SKAP1: variants seen among roughly 807,000 people sequenced by gnomAD.
SKAP1 encodes src kinase associated phosphoprotein 1, also known as src kinase-associated phosphoprotein 1.
SKAP1 carries 44 observed loss-of-function variants against 58.5 expected under a neutral mutation model. The observed-to-expected ratio is 0.75, with a 90% CI of 0.59 to 0.97. The LOEUF (loss-of-function observed/expected upper bound fraction) is 0.97, where lower values mean the gene tolerates loss of function less well. Among genes scored for constraint, SKAP1 ranks in the 50% least tolerant of loss-of-function variants. The pLI, the probability that SKAP1 is intolerant of heterozygous loss-of-function variation, is 0.00. For synonymous variants in SKAP1, 127 were observed against 149.7 expected (o/e 0.85, Z 1.11); for missense variants, 390 against 435.2 (o/e 0.90, Z 0.92).
intron 4 of SKAP1, among the ~76,000 whole-genome samples, chr17:48,207,688 T>G (rs2064826363): frequency 6.6e-6 from 1 of 152,170 alleles, no homozygotes; most frequent in South Asian, 2.1e-4. Context: ...GAGGTCTCTT[T>G]CCACTGGAGA....
intron 4 of SKAP1, among the ~76,000 whole-genome samples, chr17:48,250,966 C>T (rs1471981670): frequency 6.6e-6 from 1 of 152,154 alleles, no homozygotes; most frequent in Admixed American, 6.5e-5. Context: ...GGGCCAGCTC[C>T]TCTGAACTCG....
At chr17:48,177,321 C>T (rs1489434941) in intron 9 of SKAP1, among the ~76,000 whole-genome samples, 1 of 152,202 alleles carries the variant, frequency 6.6e-6, no homozygotes, top group Non-Finnish European at 1.5e-5. Flanking sequence ...TAACAGCCAG[C>T]ATTTACTGAG....
At chr17:48,372,477 T>C (rs1357584616) in intron 2 of SKAP1, among the ~76,000 whole-genome samples, 1 of 151,158 alleles carries the variant, frequency 6.6e-6, no homozygotes, top group Non-Finnish European at 1.5e-5. Flanking sequence ...CGGCTAATTT[T>C]GTATTTTTAG....
intron 4 of SKAP1, among the ~76,000 whole-genome samples, chr17:48,306,080 A>G (rs543712077): frequency 6.6e-6 from 1 of 152,316 alleles, no homozygotes; most frequent in African/African-American, 2.4e-5. Flanking sequence ...ATTCTTTCTA[A>G]AACAGGATAA....
intron 4 of SKAP1, among the ~76,000 whole-genome samples, chr17:48,247,855 T>C (rs1284211837): frequency 6.6e-6 from 1 of 152,214 alleles, no homozygotes; most frequent in Non-Finnish European, 1.5e-5. Context: ...AAGAAAGGCA[T>C]ATCTCTATTA....
intron 4 of SKAP1, among the ~76,000 whole-genome samples, chr17:48,305,331 T>G (rs1204008210): frequency 6.6e-6 from 1 of 152,164 alleles, no homozygotes. Context: ...ATGACAAGTG[T>G]GAGCCACTGC....
intron 4 of SKAP1, among the ~76,000 whole-genome samples, chr17:48,195,613 T>C (rs2064616127): frequency 6.6e-6 from 1 of 152,060 alleles, no homozygotes; most frequent in Admixed American, 6.5e-5. Context: ...GGACAACAGA[T>C]GAAAGGAAGG....
At chr17:48,426,813 A>C (rs914395109) in intron 1 of SKAP1, among the ~76,000 whole-genome samples, 1 of 150,902 alleles carries the variant, frequency 6.6e-6, no homozygotes, top group Non-Finnish European at 1.5e-5. Context: ...GAAACCTCAC[A>C]CTGTTTTGAT....
intron 4 of SKAP1, among the ~76,000 whole-genome samples, chr17:48,284,056 T>G (rs890390002): frequency 6.6e-6 from 1 of 152,202 alleles, no homozygotes. Context: ...CCTTTCATAT[T>G]GCTAAGATTT....
At chr17:48,295,205 G>A (rs2065951357) in intron 4 of SKAP1, among the ~76,000 whole-genome samples, 1 of 152,194 alleles carries the variant, frequency 6.6e-6, no homozygotes, top group South Asian at 2.1e-4. Context: ...AATCGGGCAA[G>A]ATCACAGTCA....
At chr17:48,189,774 G>C (rs551255217) in intron 4 of SKAP1, among the ~76,000 whole-genome samples, 2 of 151,196 alleles carry the variant, frequency 1.3e-5, no homozygotes, top group Non-Finnish European at 2.9e-5. Flanking sequence ...TCCCAGGTTC[G>C]AGCCATTCTC....
At chr17:48,158,671 A>G (rs1452679089) in intron 11 of SKAP1, among the ~76,000 whole-genome samples, 2 of 150,204 alleles carry the variant, frequency 1.3e-5, no homozygotes, top group African/African-American at 4.9e-5. Context: ...CTATTAAGAA[A>G]CAGCAGAGGC....
chr17:48,176,873 T>C (rs900570879), intron 9 of SKAP1, among the ~76,000 whole-genome samples: 2 of 152,204 alleles, frequency 1.3e-5, no homozygotes, highest in Non-Finnish European at 2.9e-5. Context: ...ATCTAAATTA[T>C]ACTCTGGAAG....
At chr17:48,222,019 A>C (rs2065011735) in intron 4 of SKAP1, among the ~76,000 whole-genome samples, 1 of 152,194 alleles carries the variant, frequency 6.6e-6, no homozygotes, top group South Asian at 2.1e-4. Context: ...AATGTAAAGA[A>C]TTATTATTAT....
intron 4 of SKAP1, among the ~76,000 whole-genome samples, chr17:48,294,140 C>A (rs886344499): frequency 2.0e-4 from 30 of 152,076 alleles, no homozygotes; most frequent in Non-Finnish European, 2.9e-5. Flanking sequence ...CTTCAGGGGG[C>A]GCCAGGCTCT....
chr17:48,239,166 G>A (rs1172009303), intron 4 of SKAP1, among the ~76,000 whole-genome samples: 3 of 152,140 alleles, frequency 2.0e-5, no homozygotes, highest in African/African-American at 7.2e-5. Context: ...AGACAGAAAT[G>A]AATTTAACAC....
At chr17:48,231,574 G>T (rs192854810) in intron 4 of SKAP1, among the ~76,000 whole-genome samples, 2 of 152,034 alleles carry the variant, frequency 1.3e-5, no homozygotes, top group Admixed American at 1.3e-4. Flanking sequence ...GGAATTTTAC[G>T]CTGAGACCTT....
At chr17:48,357,294 A>G (rs2066886774) in intron 3 of SKAP1, among the ~76,000 whole-genome samples, 1 of 152,182 alleles carries the variant, frequency 6.6e-6, no homozygotes, top group African/African-American at 2.4e-5. Flanking sequence ...ATCTTGGGAA[A>G]TGTTAACTTT....
At chr17:48,225,261 G>A (rs1216033959) in intron 4 of SKAP1, among the ~76,000 whole-genome samples, 2 of 152,130 alleles carry the variant, frequency 1.3e-5, no homozygotes, top group Non-Finnish European at 2.9e-5. Flanking sequence ...ACACACAGTA[G>A]GTGCTTACTC....
Sources: gnomAD v4.1 joint callset for allele counts (sites outside exome capture counted in the v4.1 genomes callset) on GRCh38, gnomAD v4.1.1 for gene constraint, MANE v1.5 for transcripts, NCBI Gene and HGNC (gene_info 2026-07-23, HGNC 2026-07-21) for gene names.